The following CNTN4 variants were observed in gnomAD, a reference collection of about 807,000 sequenced individuals.
The protein encoded by CNTN4 is contactin-4.
Under a neutral mutation model 122.5 loss-of-function variants are expected in CNTN4, and 77 were observed. The ratio of observed to expected loss-of-function variants is 0.63; its 90% CI spans 0.52 to 0.76. The LOEUF (loss-of-function observed/expected upper bound fraction) is 0.76. CNTN4 is among the 30% of genes least tolerant of loss of function. CNTN4 has a pLI of 0.00. For missense variants in CNTN4, 1,256 were observed against 1,259.1 expected (o/e 1.00, Z 0.04); for synonymous variants, 512 against 447.0 (o/e 1.15, Z -1.83).
chr3:2,767,235 A>G (rs951164487), intron 6 of CNTN4, among the ~76,000 whole-genome samples: 2 of 152,206 alleles, frequency 1.3e-5, no homozygotes, highest in African/African-American at 4.8e-5. Flanking sequence ...GACAAGATGA[A>G]TGTGCTTTCC....
At position 2,883,185 on chromosome 3, in the gene CNTN4, C is replaced by G; in HGVS notation, c.693C>G (p.Phe231Leu). ...GEYEPKIEVQ[F>L]PETVPTAKGA... is the part of the protein sequence containing the mutation. ...ATGAGCCCAAAATAGAAGTGCAGTT[C>G]CCAGAAACAGTTCCGACTGCAAAAG... Residue 231 changes from phenylalanine (F) to leucine (L), a missense_variant, in exon 9 of 25, where the codon TTC becomes TTG. Coordinates refer to ENST00000418658, the MANE Select transcript of CNTN4 (RefSeq NM_175607.3). 6.2e-7 allele frequency: 1 copy of G among 1,613,780 alleles called. No homozygotes were observed. The highest frequency in any genetic ancestry group is 8.5e-7 in the Non-Finnish European group (1 of 1,179,836).
intron 2 of CNTN4, among the ~76,000 whole-genome samples, chr3:2,124,947 A>G (rs564406547): frequency 8.5e-5 from 13 of 152,280 alleles, no homozygotes; most frequent in African/African-American, 3.1e-4. Context: ...CCCCCGCTCC[A>G]TGTTTTTACT....
intron 3 of CNTN4, among the ~76,000 whole-genome samples, chr3:2,428,661 G>C (rs1365326652): frequency 1.3e-5 from 2 of 152,198 alleles, no homozygotes; most frequent in African/African-American, 4.8e-5. Flanking sequence ...ATATCCTGCA[G>C]AGTGGTTTTC....
chr3:2,676,538 G>A lies in CNTN4; in HGVS notation c.56-59677G>A, dbSNP rs1451631519. 2.6e-5 allele frequency among the ~76,000 whole-genome samples: 4 copies of A among 152,166 alleles called. No individual in the cohort carries two copies. The East Asian group carries it at 5.8e-4, about 22-fold the overall frequency. On this transcript the variant is annotated intron_variant, in intron 4 of 24. Coordinates refer to ENST00000418658, the MANE Select transcript of CNTN4 (RefSeq NM_175607.3). ...TGCCTGGCCAAGACTGATTATTAATGAACTAATTCTACCTATACAATTTGG... is the reference window on the plus strand; with the variant it reads ...TGCCTGGCCAAGACTGATTATTAATAAACTAATTCTACCTATACAATTTGG...
chr3:2,614,018 C>T (rs1181341786), intron 4 of CNTN4, among the ~76,000 whole-genome samples: 4 of 152,226 alleles, frequency 2.6e-5, no homozygotes, highest in Admixed American at 6.5e-5. Flanking sequence ...AAAGAGCTAA[C>T]ATTCTATTGT....
intron 13 of CNTN4, among the ~76,000 whole-genome samples, chr3:2,945,446 C>T (rs2151543592): frequency 6.6e-6 from 1 of 152,258 alleles, no homozygotes; most frequent in Middle Eastern, 3.4e-3. Context: ...GACAGTATCC[C>T]CATTTTTAGC....
intron 14 of CNTN4, among the ~76,000 whole-genome samples, chr3:3,024,585 A>G (rs1698575470): frequency 6.6e-6 from 1 of 152,054 alleles, no homozygotes; most frequent in Non-Finnish European, 1.5e-5. Flanking sequence ...AACAGTGACT[A>G]AAAGCACATT....
intron 14 of CNTN4, among the ~76,000 whole-genome samples, chr3:2,994,226 A>AT (rs5846234): frequency 0.14 from 20,638 of 151,318 alleles, 1,636 homozygotes; most frequent in Non-Finnish European, 0.18. Flanking sequence ...TCTAATAGCA[A>AT]TTTTTTTTTA....
chr3:2,330,485 T>C (rs1188480505), intron 2 of CNTN4, among the ~76,000 whole-genome samples: 1 of 152,128 alleles, frequency 6.6e-6, no homozygotes, highest in Admixed American at 6.5e-5. Context: ...ACTTTGGAGA[T>C]TCCAGGGATT....
intron 2 of CNTN4, among the ~76,000 whole-genome samples, chr3:2,297,159 C>A (rs970735463): frequency 1.3e-5 from 2 of 152,156 alleles, no homozygotes; most frequent in Admixed American, 1.3e-4. Flanking sequence ...GTCTTTCAAT[C>A]AGTTTATTAC....
intron 13 of CNTN4, among the ~76,000 whole-genome samples, chr3:2,947,181 C>G (rs1377148378): frequency 6.6e-6 from 1 of 152,088 alleles, no homozygotes; most frequent in Non-Finnish European, 1.5e-5. Flanking sequence ...AAAATAAAAG[C>G]AGAATATTTT....
chr3:2,751,167 G>C (rs941316034), intron 6 of CNTN4, among the ~76,000 whole-genome samples: 6 of 151,752 alleles, frequency 4.0e-5, no homozygotes, highest in African/African-American at 1.5e-4. Context: ...AATTAGCCAG[G>C]CATGGTGGCG....
At chr3:2,999,714 C>A (rs1416014094) in intron 14 of CNTN4, among the ~76,000 whole-genome samples, 1 of 152,166 alleles carries the variant, frequency 6.6e-6, no homozygotes, top group African/African-American at 2.4e-5. Flanking sequence ...TGACACCTAA[C>A]CTCATTCATG....
chr3:2,247,038 T>A (rs924480994), intron 2 of CNTN4, among the ~76,000 whole-genome samples: 5 of 152,030 alleles, frequency 3.3e-5, no homozygotes, highest in African/African-American at 1.2e-4. Flanking sequence ...GGGAAATGAA[T>A]GTGAATGCCA....
At chr3:2,621,731 A>G (rs1490188071) in intron 4 of CNTN4, among the ~76,000 whole-genome samples, 1 of 152,190 alleles carries the variant, frequency 6.6e-6, no homozygotes, top group Non-Finnish European at 1.5e-5. Flanking sequence ...TACAATGTAT[A>G]TGCATTTAAC....
chr3:2,120,405 A>ATATATATATTTTTTT (rs1428527983), intron 2 of CNTN4, among the ~76,000 whole-genome samples: 1 of 40,882 alleles, frequency 2.4e-5, no homozygotes, highest in African/African-American at 1.1e-4. Context: ...ATATATATAT[A>ATATATATATTTTTTT]TTTTTTTTTT....
intron 3 of CNTN4, among the ~76,000 whole-genome samples, chr3:2,443,714 T>C (rs1368084396): frequency 1.3e-5 from 2 of 152,172 alleles, no homozygotes; most frequent in East Asian, 3.9e-4. Context: ...GGTATTAGAC[T>C]TGTACTCTGC....
rs1163055947 is a variant in CNTN4 at position 2,317,376 on chromosome 3, A to T, written c.-144-21802A>T. On this transcript the variant is annotated intron_variant, in intron 2 of 24. Transcript: ENST00000418658. The stretch of plus-strand genomic sequence containing the variant: ...GTTAGAAGAAGCTAGCGGGCAGAGG[A>T]TTCATCAAAATAATAACCAAAACAC... 3.3e-5 allele frequency among the ~76,000 whole-genome samples: 5 copies of T among 152,180 alleles called. No homozygotes were observed. In the East Asian group the frequency reaches 9.6e-4, roughly 29 times the overall value.
intron 3 of CNTN4, among the ~76,000 whole-genome samples, chr3:2,555,680 C>G (rs1364434988): frequency 6.6e-6 from 1 of 152,134 alleles, no homozygotes; most frequent in Non-Finnish European, 1.5e-5. Context: ...AGACAAGATT[C>G]TCTGATGTAT....
Sources: gnomAD v4.1 joint callset for allele counts (sites outside exome capture counted in the v4.1 genomes callset) on GRCh38, gnomAD v4.1.1 for gene constraint, MANE v1.5 for transcripts, NCBI Gene and HGNC (gene_info 2026-07-23, HGNC 2026-07-21) for gene names.